ZBBX: variants seen among roughly 807,000 people sequenced by gnomAD.
The protein encoded by ZBBX is zinc finger B-box domain containing.
ZBBX carries 101 observed loss-of-function variants against 108.5 expected under a neutral mutation model. That is an observed-to-expected ratio of 0.93 (90% CI 0.79 to 1.10). ZBBX has a LOEUF of 1.10. ZBBX is among the 50% of genes least tolerant of loss of function. The pLI, the probability that ZBBX is intolerant of heterozygous loss-of-function variation, is 0.00. For missense variants in ZBBX, 1,009 were observed against 941.4 expected, an observed-to-expected ratio of 1.07 and a Z score of -0.94; for synonymous variants, 356 against 323.4, an observed-to-expected ratio of 1.10 and a Z score of -1.08.
chr3:167,316,085 C>G (rs1735403852), intron 14 of ZBBX, among the ~76,000 whole-genome samples: 1 of 152,074 alleles, frequency 6.6e-6, no homozygotes. Flanking sequence ...TATGTAGCTA[C>G]TACCTGCCAA....
At chr3:167,275,136 A>G (rs1243613157) in intron 20 of ZBBX, among the ~76,000 whole-genome samples, 1 of 152,212 alleles carries the variant, frequency 6.6e-6, no homozygotes, top group Non-Finnish European at 1.5e-5. Flanking sequence ...CTTAAAATAT[A>G]TATTATGGAG....
At chr3:167,298,160 C>G (rs187363644) in intron 18 of ZBBX, 145 bp downstream of exon 18, 2 of 537,328 alleles carry the variant, frequency 3.7e-6, no homozygotes, top group African/African-American at 3.9e-5. Context: ...CTGATAGTAA[C>G]CTTAAATGTA....
chr3:167,301,854 G>A (rs1343699056), intron 17 of ZBBX, among the ~76,000 whole-genome samples: 1 of 151,400 alleles, frequency 6.6e-6, no homozygotes, highest in African/African-American at 2.4e-5. Flanking sequence ...CTACACGGGA[G>A]GCTGAGGCAG....
At chr3:167,182,152 A>C in the ZBBX span, among the ~76,000 whole-genome samples, 1 of 152,002 alleles carries the variant, frequency 6.6e-6, no homozygotes. Flanking sequence ...TAGTGTGACC[A>C]TGCTTCCCAC....
Position 167,333,680 on chromosome 3 carries a change from G to T in ZBBX, c.687+147C>A, listed in dbSNP as rs1311951710. On this transcript the variant is annotated intron_variant, in intron 10 of 21. Coordinates refer to ENST00000675490, the MANE Select transcript of ZBBX (RefSeq NM_001199201.2). ...TTGAAAATATTTTTATAGTCAAGAT[G>T]TATTTGGTTAATGAAGAACAAATCC... 3 of 628,582 alleles carry T rather than the reference G, an allele frequency of 4.8e-6. No homozygotes were observed. In the African/African-American group the frequency reaches 5.6e-5, roughly 12 times the overall value. The allele number at this position is 628,582 out of a possible 1,614,324, so 38.9% of individuals were successfully genotyped here.
At chr3:167,295,471 A>G (rs964259424) in intron 18 of ZBBX, among the ~76,000 whole-genome samples, 17 of 151,748 alleles carry the variant, frequency 1.1e-4, no homozygotes. Flanking sequence ...GTTCCCACTC[A>G]TAAGTGGGAG....
rs1476551584 is a variant in ZBBX at position 167,348,314 on chromosome 3, G to GAAAGAGAA, written c.528+2105_528+2106insTTCTCTTT. On this transcript the variant is annotated intron_variant, in intron 9 of 21. Transcript: ENST00000675490. ...AGGAAAGAAGAAAGAGAGAAAGAAA[G>GAAAGAGAA]AGAAAGAAAGAAAGAAAGAAAGAAA... Among the ~76,000 whole-genome samples the GAAAGAGAA allele has an allele frequency of 1.1e-3, 71 of 65,596 alleles. 1 individual carries two copies. The highest frequency in any genetic ancestry group is 4.1e-3 in the East Asian group (10 of 2,442). 43.0% of individuals were successfully genotyped at this position (65,596 alleles called of 152,430 possible).
At chr3:167,262,402 C>G (rs1299726242) in intron 20 of ZBBX, among the ~76,000 whole-genome samples, 1 of 152,252 alleles carries the variant, frequency 6.6e-6, no homozygotes, top group Non-Finnish European at 1.5e-5. Flanking sequence ...CCCGCATTCT[C>G]TAACCGTTTT....
chr3:167,261,351 G>C (rs1460710882), intron 20 of ZBBX, among the ~76,000 whole-genome samples: 2 of 151,812 alleles, frequency 1.3e-5, no homozygotes, highest in Non-Finnish European at 2.9e-5. Flanking sequence ...AGGTGTGGTA[G>C]TATGGGGGAG....
intron 1 of ZBBX, among the ~76,000 whole-genome samples, chr3:167,400,058 G>A (rs568342053): frequency 2.0e-5 from 3 of 152,268 alleles, no homozygotes; most frequent in East Asian, 3.9e-4. Flanking sequence ...TGGCCGCATA[G>A]TATTCCGTAG....
At chr3:167,357,790 T>C (rs1420456476) in intron 8 of ZBBX, among the ~76,000 whole-genome samples, 1 of 151,906 alleles carries the variant, frequency 6.6e-6, no homozygotes, top group Non-Finnish European at 1.5e-5. Context: ...TGTCCAACAA[T>C]GATAGACTGG....
chr3:167,309,164 G>A (rs1222037833), intron 16 of ZBBX, among the ~76,000 whole-genome samples: 1 of 152,184 alleles, frequency 6.6e-6, no homozygotes, highest in East Asian at 1.9e-4. Flanking sequence ...GCTACTCTGG[G>A]TACAGTGCTT....
chr3:167,269,358 C>T (rs1270782671), intron 20 of ZBBX, among the ~76,000 whole-genome samples: 1 of 152,148 alleles, frequency 6.6e-6, no homozygotes, highest in Non-Finnish European at 1.5e-5. Context: ...GATTGATTGA[C>T]TCATATCCAA....
chr3:167,208,499 T>G, the ZBBX span, among the ~76,000 whole-genome samples: 108,256 of 152,116 alleles, frequency 0.71, 39,983 homozygotes, highest in African/African-American at 0.91. Context: ...TGAGTACTGG[T>G]CTGAGTCTGC....
At chr3:167,346,575 C>T (rs955908411) in intron 9 of ZBBX, among the ~76,000 whole-genome samples, 1 of 151,912 alleles carries the variant, frequency 6.6e-6, no homozygotes, top group Admixed American at 6.6e-5. Context: ...TAATCACCGT[C>T]AGCCTAGAAT....
intron 18 of ZBBX, among the ~76,000 whole-genome samples, chr3:167,296,262 AAAG>A (rs1731678612): frequency 6.6e-6 from 1 of 152,102 alleles, no homozygotes; most frequent in Non-Finnish European, 1.5e-5. Context: ...CTACACAATA[AAAG>A]TAATATGCTA....
chr3:167,291,973 T>G (rs1236498653), intron 18 of ZBBX, among the ~76,000 whole-genome samples: 1 of 152,090 alleles, frequency 6.6e-6, no homozygotes, highest in Non-Finnish European at 1.5e-5. Flanking sequence ...CATTACATAA[T>G]GGTAAAGGGA....
Position 167,349,995 on chromosome 3 carries a change from G to A in ZBBX, c.528+425C>T, listed in dbSNP as rs561474056. On this transcript the variant is annotated intron_variant, in intron 9 of 21. Coordinates refer to ENST00000675490, the MANE Select transcript of ZBBX (RefSeq NM_001199201.2). Reference sequence around the variant, plus strand: ...AAAAATAGAAACCTGAGAGATAAGCGTTCCTAAATAATAATGGGCAAAGAT... The same window carrying A: ...AAAAATAGAAACCTGAGAGATAAGCATTCCTAAATAATAATGGGCAAAGAT... Among the ~76,000 whole-genome samples, 5 of 151,848 alleles carry A rather than the reference G, an allele frequency of 3.3e-5. No homozygotes were observed. In the East Asian group the frequency reaches 5.8e-4, roughly 18 times the overall value.
At chr3:167,202,708 T>A in the ZBBX span, among the ~76,000 whole-genome samples, 1 of 152,104 alleles carries the variant, frequency 6.6e-6, no homozygotes, top group South Asian at 2.1e-4. Context: ...GGGCATGCCG[T>A]CATAGCAGTT....
Sources: gnomAD v4.1 joint callset for allele counts (sites outside exome capture counted in the v4.1 genomes callset) on GRCh38, gnomAD v4.1.1 for gene constraint, MANE v1.5 for transcripts, NCBI Gene and HGNC (gene_info 2026-07-23, HGNC 2026-07-21) for gene names.